Variants in NAA15 observed in about 807,000 individuals in gnomAD.
The protein encoded by NAA15 is N-alpha-acetyltransferase 15, NatA auxiliary subunit.
In NAA15, 34 loss-of-function variants were observed where a neutral mutation model predicts 114.0. The observed-to-expected ratio is 0.30, with a 90% CI of 0.23 to 0.40. The LOEUF (loss-of-function observed/expected upper bound fraction) is 0.40, where lower values mean the gene tolerates loss of function less well. NAA15 is among the 10% of genes least tolerant of loss of function. The probability of loss-of-function intolerance (pLI) is 1.00; values close to 1 mark genes in which losing one functional copy is unlikely to be tolerated. For synonymous variants in NAA15, 340 were observed against 338.0 expected, an observed-to-expected ratio of 1.01 and a Z score of -0.06; for missense variants, 658 against 1,004.5, an observed-to-expected ratio of 0.66 and a Z score of 4.66.
At chr4:139,386,297 G>T in intron 19 of NAA15, 67 bp downstream of exon 19, 1 of 885,040 alleles carries the variant, frequency 1.1e-6, no homozygotes, top group African/African-American at 1.7e-5. Context: ...AGAAATAATT[G>T]GGTATTTATA....
chr4:139,332,580 T>TTTTTG (rs1747055203), intron 1 of NAA15, among the ~76,000 whole-genome samples: 2 of 118,544 alleles, frequency 1.7e-5, no homozygotes, highest in South Asian at 3.4e-4. Flanking sequence ...ATGTTTTTTT[T>TTTTTG]TTTTTTTTTT....
chr4:139,389,417 G>C lies in NAA15; in HGVS notation c.*1333G>C, dbSNP rs1748991891. 1 of 152,596 alleles carries C rather than the reference G, an allele frequency of 6.6e-6. No homozygotes were observed. The highest frequency in any genetic ancestry group is 2.1e-4 in the South Asian group (1 of 4,832). The allele number at this position is 152,596 out of a possible 1,614,324, so 9.5% of individuals were successfully genotyped here. On this transcript the variant is annotated 3_prime_UTR_variant, in exon 20 of 20. Transcript: ENST00000296543. ...CCAGAGGCAATGTAATATGCTGTAA[G>C]GCTAGTGCAGATGGGAGCTTTTTAG...
At chr4:139,304,860 C>T (rs915525105) in intron 1 of NAA15, among the ~76,000 whole-genome samples, 1 of 152,110 alleles carries the variant, frequency 6.6e-6, no homozygotes, top group African/African-American at 2.4e-5. Flanking sequence ...CATCCCCTCT[C>T]GCTGCAGGCT....
At chr4:139,365,978 G>A (rs1748269619) in intron 14 of NAA15, among the ~76,000 whole-genome samples, 1 of 151,174 alleles carries the variant, frequency 6.6e-6, no homozygotes. Flanking sequence ...TCCATTTATA[G>A]TTTTGTGTTT....
chr4:139,363,199 C>T (rs1748183003), intron 14 of NAA15, among the ~76,000 whole-genome samples: 1 of 152,154 alleles, frequency 6.6e-6, no homozygotes, highest in East Asian at 1.9e-4. Context: ...GTTTTTCTTT[C>T]TATTCTTCTG....
chr4:139,340,129 T>C (rs1747333262), intron 3 of NAA15, among the ~76,000 whole-genome samples: 1 of 152,092 alleles, frequency 6.6e-6, no homozygotes, highest in African/African-American at 2.4e-5. Flanking sequence ...TGAGACCATC[T>C]TGGGCAACAT....
At position 139,388,039 on chromosome 4, in the gene NAA15, T is replaced by C; in HGVS notation, c.2556T>C (p.Asn852=). 1.2e-6 allele frequency: 2 copies of C among 1,613,906 alleles called. No homozygotes were observed. The highest frequency in any genetic ancestry group is 2.2e-5 in the East Asian group (1 of 44,844). Residue 852 remains asparagine (N), a synonymous_variant, in exon 20 of 20, where the codon AAT becomes AAC. Coordinates refer to ENST00000296543, the MANE Select transcript of NAA15 (RefSeq NM_057175.5). ...AAGAGGATATGAAGATCACAGTTAATGGAGATAGTTCTGCAGAAGCTGAAG... is the reference window on the plus strand; with the variant it reads ...AAGAGGATATGAAGATCACAGTTAACGGAGATAGTTCTGCAGAAGCTGAAG... ...GYEEDMKITV[N]GDSSAEAEEL...
chr4:139,374,363 T>C (rs1748525244), intron 15 of NAA15, among the ~76,000 whole-genome samples: 1 of 152,160 alleles, frequency 6.6e-6, no homozygotes, highest in East Asian at 1.9e-4. Context: ...ATAATGATGG[T>C]TAATTCTATC....
chr4:139,324,635 A>G (rs754252024), intron 1 of NAA15, among the ~76,000 whole-genome samples: 6 of 152,190 alleles, frequency 3.9e-5, no homozygotes, highest in Non-Finnish European at 8.8e-5. Context: ...TAAGTTCCCT[A>G]AAAAGTTAGT....
chr4:139,326,967 T>C (rs1746822375), intron 1 of NAA15, among the ~76,000 whole-genome samples: 1 of 152,180 alleles, frequency 6.6e-6, no homozygotes, highest in Admixed American at 6.5e-5. Context: ...AGAGTCTCTC[T>C]GTGTCTTGCC....
chr4:139,322,934 G>T (rs1475779527), intron 1 of NAA15, among the ~76,000 whole-genome samples: 1 of 151,014 alleles, frequency 6.6e-6, no homozygotes, highest in East Asian at 2.0e-4. Flanking sequence ...CAAGTGACCC[G>T]CCCACCTTGT....
intron 1 of NAA15, among the ~76,000 whole-genome samples, chr4:139,320,767 C>G (rs1378627881): frequency 1.3e-5 from 2 of 152,170 alleles, no homozygotes; most frequent in Non-Finnish European, 2.9e-5. Context: ...GTGATCCGCC[C>G]ACCTCGGCCA....
intron 1 of NAA15, among the ~76,000 whole-genome samples, chr4:139,330,723 G>C (rs1487923367): frequency 6.6e-6 from 1 of 152,126 alleles, no homozygotes; most frequent in Non-Finnish European, 1.5e-5. Context: ...CAAAACAACA[G>C]CATTGGAAGG....
intron 18 of NAA15, among the ~76,000 whole-genome samples, chr4:139,385,903 G>C (rs941623572): frequency 6.6e-6 from 1 of 151,964 alleles, no homozygotes; most frequent in African/African-American, 2.4e-5. Context: ...TATTTTATTG[G>C]GTAGATATAT....
At chr4:139,315,793 T>G (rs1213906507) in intron 1 of NAA15, among the ~76,000 whole-genome samples, 5 of 151,840 alleles carry the variant, frequency 3.3e-5, no homozygotes, top group African/African-American at 1.2e-4. Flanking sequence ...TATTTTTTAT[T>G]TTTATTTTTT....
intron 4 of NAA15, among the ~76,000 whole-genome samples, chr4:139,341,317 C>G (rs1747379204): frequency 6.6e-6 from 1 of 151,802 alleles, no homozygotes; most frequent in African/African-American, 2.4e-5. Context: ...AACATCAGGC[C>G]AGGTGCGGTG....
At chr4:139,338,518 G>C (rs1157867559) in intron 3 of NAA15, among the ~76,000 whole-genome samples, 3 of 152,100 alleles carry the variant, frequency 2.0e-5, no homozygotes, top group Non-Finnish European at 4.4e-5. Flanking sequence ...CACGATCTCA[G>C]CTCACTGCAA....
intron 3 of NAA15, among the ~76,000 whole-genome samples, chr4:139,337,854 T>G (rs1747248824): frequency 6.6e-6 from 1 of 152,310 alleles, no homozygotes; most frequent in South Asian, 2.1e-4. Context: ...GAGTATTACA[T>G]AAGATGTTAT....
chr4:139,316,104 G>A (rs536116355), intron 1 of NAA15, among the ~76,000 whole-genome samples: 2 of 151,716 alleles, frequency 1.3e-5, no homozygotes, highest in East Asian at 3.9e-4. Context: ...TATTGTTAAA[G>A]ATTTACAGAT....
Sources: allele counts gnomAD v4.1 joint callset (sites outside exome capture counted in the v4.1 genomes callset), GRCh38; gene constraint gnomAD v4.1.1; transcripts MANE v1.5; gene names NCBI Gene and HGNC (gene_info 2026-07-23, HGNC 2026-07-21).